Variants in MINAR1 observed in about 807,000 individuals in gnomAD.
MINAR1 encodes the protein membrane integral NOTCH2 associated receptor 1.
Under a neutral mutation model 65.1 loss-of-function variants are expected in MINAR1, and 40 were observed. The ratio of observed to expected loss-of-function variants is 0.61; its 90% CI spans 0.48 to 0.80. The LOEUF is 0.80. Ranked by LOEUF, MINAR1 falls within the 30% of genes least tolerant of loss-of-function variation. The pLI is 0.00. For synonymous variants in MINAR1, 482 were observed against 449.1 expected (o/e 1.07, Z -0.93); for missense variants, 1,128 against 1,148.0 (o/e 0.98, Z 0.25).
chr15:79,439,354 A>AGTG (rs143459996), intron 1 of MINAR1, among the ~76,000 whole-genome samples: 21,275 of 51,096 alleles, frequency 0.42, 5,056 homozygotes, highest in Middle Eastern at 0.53. Flanking sequence ...GTGTGTGGGT[A>AGTG]ATGAGATGTG....
In MINAR1 at chr15:79,463,230, C is replaced by A. The variant is rs1030523945; in HGVS notation, c.2462C>A (p.Ala821Asp). The A allele has an allele frequency of 1.9e-6, 3 of 1,614,210 alleles. No individual in the cohort carries two copies. Among genetic ancestry groups the A allele is most frequent in the Non-Finnish European group, 2.5e-6 (3 of 1,180,038 alleles). Residue 821 changes from alanine to aspartate, a missense_variant, in exon 3 of 4, where the codon GCC becomes GAC. Ala to Asp is a moderately radical substitution (Grantham distance 126). Transcript: ENST00000305428. The part of the protein sequence containing the change: ...LYTDMRLTEL[A>D]EVKRGQPSWT... ...ACAGACATGCGGCTGACCGAGTTGG[C>A]CGAGGTGAAGCGGGGCCAACCTTCT...
At chr15:79,422,230 T>G in the MINAR1 span, 1 of 152,210 alleles carries the variant, frequency 6.6e-6, no homozygotes, top group Non-Finnish European at 1.5e-5. Context: ...GAGGCACCAC[T>G]GTAAAACATC....
rs770139144 is a variant in MINAR1, at chr15:79,458,097, A to G, written c.1950A>G (p.Thr650=). The change falls in exon 2 of 4, where the codon ACA becomes ACG. Residue 650 remains threonine (T), a synonymous_variant. Coordinates refer to ENST00000305428, the MANE Select transcript of MINAR1 (RefSeq NM_015206.3). The part of the protein sequence containing the change: ...VSVQIDLNSL[T]SEGPSDDSAS... Reference sequence around the variant, plus strand: ...TGCAGATAGATCTGAACTCCTTGACAAGCGAGGGTCCGTCTGATGACAGTG... The same window carrying G: ...TGCAGATAGATCTGAACTCCTTGACGAGCGAGGGTCCGTCTGATGACAGTG... The G allele has an allele frequency of 6.2e-7, 1 of 1,614,184 alleles. No individual in the cohort carries two copies. The highest frequency in any genetic ancestry group is 8.5e-7 in the Non-Finnish European group (1 of 1,180,032).
At chr15:79,452,779 CTG>C (rs1895276949) in intron 1 of MINAR1, among the ~76,000 whole-genome samples, 5 of 143,240 alleles carry the variant, frequency 3.5e-5, no homozygotes, top group African/African-American at 1.0e-4. Context: ...GTGTGCGTGT[CTG>C]TGTCTAGGTG....
the MINAR1 span, chr15:79,411,424 G>A: frequency 1.3e-5 from 9 of 702,434 alleles, no homozygotes; most frequent in Admixed American, 6.0e-5. Flanking sequence ...TTATTGGAAG[G>A]AGGTGGACAA....
At chr15:79,441,140 C>T (rs970975203) in intron 1 of MINAR1, among the ~76,000 whole-genome samples, 8 of 152,068 alleles carry the variant, frequency 5.3e-5, no homozygotes, top group African/African-American at 1.9e-4. Context: ...TTCCCCTTGC[C>T]AGGATTTGCT....
chr15:79,458,098 A>G lies in MINAR1; in HGVS notation c.1951A>G (p.Ser651Gly). 1 of 1,614,182 alleles carries G rather than the reference A, an allele frequency of 6.2e-7. No homozygotes were observed. Among genetic ancestry groups the G allele is most frequent in the East Asian group, 2.2e-5 (1 of 44,878 alleles). ...SVQIDLNSLT[S>G]EGPSDDSASP... The stretch of plus-strand genomic sequence containing the variant: ...GCAGATAGATCTGAACTCCTTGACA[A>G]GCGAGGGTCCGTCTGATGACAGTGC... The change falls in exon 2 of 4, where the codon AGC becomes GGC. Residue 651 changes from serine (S) to glycine (G), a missense_variant. Physicochemically the swap from Ser to Gly is moderately conservative, Grantham distance 56. Coordinates refer to ENST00000305428, the MANE Select transcript of MINAR1 (RefSeq NM_015206.3).
At position 79,451,585 on chromosome 15, in the gene MINAR1, C is replaced by A. The variant is rs1351813626; in HGVS notation, c.-50-4513C>A. ...GGCCCGATGGGGGCCTGATGTGCTG[C>A]AGGCAATCCCCAGTCTGGCCTCATG... On this transcript the variant is annotated intron_variant, in intron 1 of 3. Coordinates refer to ENST00000305428, the MANE Select transcript of MINAR1 (RefSeq NM_015206.3). Among the ~76,000 whole-genome samples, 3 of 152,190 alleles carry A rather than the reference C, an allele frequency of 2.0e-5. No homozygotes were observed. The East Asian group carries it at 5.8e-4, about 29-fold the overall frequency.
intron 1 of MINAR1, among the ~76,000 whole-genome samples, chr15:79,450,315 C>T (rs894894458): frequency 1.3e-5 from 2 of 152,202 alleles, no homozygotes; most frequent in Non-Finnish European, 2.9e-5. Context: ...CATGCACCTT[C>T]TGGGTGCTCA....
upstream of MINAR1, among the ~76,000 whole-genome samples, chr15:79,431,761 G>A (rs762989037): frequency 3.9e-5 from 6 of 152,218 alleles, no homozygotes; most frequent in Non-Finnish European, 7.3e-5. Context: ...GGGGAGACGC[G>A]AACCCCGCGG....
At position 79,457,587 on chromosome 15, in the gene MINAR1, C is replaced by A; in HGVS notation, c.1440C>A (p.His480Gln). 1 of 1,614,152 alleles carries A rather than the reference C, an allele frequency of 6.2e-7. No individual in the cohort carries two copies. Among genetic ancestry groups the A allele is most frequent in the East Asian group, 2.2e-5 (1 of 44,878 alleles). ...GTAGCGTGGGCACCCAGACTGAGCA[C>A]GTGCTGGAGCCCAAGAAATGCAGAG... Reference protein sequence around the residue: ...DTSSVGTQTEHVLEPKKCRDL... With the variant: ...DTSSVGTQTEQVLEPKKCRDL... Residue 480 changes from histidine (H) to glutamine (Q), a missense_variant, in exon 2 of 4, where the codon CAC becomes CAA. Physicochemically the swap from His to Gln is conservative, Grantham distance 24. Coordinates refer to ENST00000305428, the MANE Select transcript of MINAR1 (RefSeq NM_015206.3).
At chr15:79,466,372 TAATCTCCCATTGTAC>T (rs1895855629) in intron 3 of MINAR1, among the ~76,000 whole-genome samples, 1 of 152,218 alleles carries the variant, frequency 6.6e-6, no homozygotes, top group South Asian at 2.1e-4. Flanking sequence ...GTGGGCCTTA[TAATCTCCCATTGTAC>T]AATCTGCCAT....
chr15:79,452,616 G>A (rs1393935816), intron 1 of MINAR1, among the ~76,000 whole-genome samples: 1 of 137,862 alleles, frequency 7.3e-6, no homozygotes, highest in African/African-American at 2.7e-5. Flanking sequence ...TAGTCTGGGT[G>A]TCTGGATGAG....
intron 1 of MINAR1, among the ~76,000 whole-genome samples, chr15:79,443,168 G>A (rs2141281805): frequency 6.6e-6 from 1 of 152,320 alleles, no homozygotes; most frequent in East Asian, 1.9e-4. Context: ...GGGAACAAAC[G>A]GGCTGTGGGA....
upstream of MINAR1, among the ~76,000 whole-genome samples, chr15:79,432,197 G>A (rs1894458955): frequency 6.6e-6 from 1 of 152,056 alleles, no homozygotes; most frequent in Admixed American, 6.5e-5. Context: ...CCGCTGGAGC[G>A]CGGGCGTCAT....
At chr15:79,454,356 G>A (rs1468811902) in intron 1 of MINAR1, among the ~76,000 whole-genome samples, 3 of 152,190 alleles carry the variant, frequency 2.0e-5, no homozygotes, top group Non-Finnish European at 4.4e-5. Context: ...TCATTACCTC[G>A]AGCTGCTAAA....
chr15:79,459,165 C>G (rs559885449), intron 2 of MINAR1, among the ~76,000 whole-genome samples: 2 of 150,220 alleles, frequency 1.3e-5, no homozygotes, highest in Middle Eastern at 3.4e-3. Flanking sequence ...GGTAACAGAG[C>G]AAGACTGTCT....
At chr15:79,430,763 T>C (rs1894417031), upstream of MINAR1, among the ~76,000 whole-genome samples, 1 of 152,206 alleles carries the variant, frequency 6.6e-6, no homozygotes, top group Non-Finnish European at 1.5e-5. Flanking sequence ...GGCAAATGGA[T>C]TTTAAAAACT....
intron 2 of MINAR1, among the ~76,000 whole-genome samples, chr15:79,458,732 A>G (rs994203650): frequency 6.6e-6 from 1 of 152,222 alleles, no homozygotes; most frequent in Admixed American, 6.5e-5. Context: ...ACAGATTTTC[A>G]TAGAATGGGG....
Sources: gnomAD v4.1 joint callset for allele counts (sites outside exome capture counted in the v4.1 genomes callset) on GRCh38, gnomAD v4.1.1 for gene constraint, MANE v1.5 for transcripts, NCBI Gene and HGNC (gene_info 2026-07-23, HGNC 2026-07-21) for gene names.